Variants in SGTB observed in about 807,000 individuals in gnomAD.
SGTB encodes small glutamine rich tetratricopeptide repeat co-chaperone beta.
SGTB carries 19 observed loss-of-function variants against 43.9 expected under a neutral mutation model. That is an observed-to-expected ratio of 0.43 (90% confidence interval 0.30 to 0.63). The LOEUF (loss-of-function observed/expected upper bound fraction) is 0.63. SGTB is among the 30% of genes least tolerant of loss of function. SGTB has a pLI of 0.12. For missense variants in SGTB, 304 were observed against 358.9 expected (o/e 0.85, Z 1.24); for synonymous variants, 116 against 117.3 (o/e 0.99, Z 0.07).
chr5:65,691,247 T>C (rs377704312), intron 5 of SGTB, among the ~76,000 whole-genome samples: 4 of 152,150 alleles, frequency 2.6e-5, no homozygotes, highest in African/African-American at 9.7e-5. Flanking sequence ...AATAAGACCT[T>C]AGTAGCAATG....
At chr5:65,709,058 A>G (rs1322572813) in intron 3 of SGTB, among the ~76,000 whole-genome samples, 1 of 151,918 alleles carries the variant, frequency 6.6e-6, no homozygotes. Context: ...AAAAATAAGA[A>G]TATGAAGAAT....
chr5:65,711,950 C>T (rs975554878), intron 3 of SGTB, among the ~76,000 whole-genome samples: 7 of 152,108 alleles, frequency 4.6e-5, no homozygotes, highest in African/African-American at 1.7e-4. Context: ...ACCACAATGT[C>T]ATAAAGAAAC....
chr5:65,720,478 CA>C (rs1240860975), intron 2 of SGTB, among the ~76,000 whole-genome samples: 2 of 152,130 alleles, frequency 1.3e-5, no homozygotes, highest in African/African-American at 4.8e-5. Flanking sequence ...ATACTTCTGA[CA>C]TATAGTATTT....
At chr5:65,670,979 G>A (rs1017301377) in intron 10 of SGTB, among the ~76,000 whole-genome samples, 7 of 152,136 alleles carry the variant, frequency 4.6e-5, no homozygotes, top group Non-Finnish European at 8.8e-5. Context: ...TCGCCAATTT[G>A]ATATAAGTGA....
chr5:65,681,642 A>T (rs1757399244), intron 6 of SGTB, among the ~76,000 whole-genome samples: 1 of 152,144 alleles, frequency 6.6e-6, no homozygotes, highest in Non-Finnish European at 1.5e-5. Context: ...AAACTCTATG[A>T]TGTATAAGAA....
chr5:65,674,376 T>C (rs1757222577), intron 8 of SGTB, among the ~76,000 whole-genome samples: 1 of 152,152 alleles, frequency 6.6e-6, no homozygotes, highest in Non-Finnish European at 1.5e-5. Context: ...ACACACTCTC[T>C]CACAATTGTG....
intron 5 of SGTB, among the ~76,000 whole-genome samples, chr5:65,689,405 C>T (rs1757560696): frequency 6.6e-6 from 1 of 152,160 alleles, no homozygotes; most frequent in African/African-American, 2.4e-5. Context: ...TGACTGGGAA[C>T]AATACAAGTA....
At chr5:65,684,413 A>C (rs1757457778) in intron 6 of SGTB, among the ~76,000 whole-genome samples, 1 of 152,036 alleles carries the variant, frequency 6.6e-6, no homozygotes, top group Admixed American at 6.5e-5. Flanking sequence ...ACCTGATCAC[A>C]TGCCAACCAT....
chr5:65,684,116 A>T (rs1192127537), intron 6 of SGTB, among the ~76,000 whole-genome samples: 1 of 151,766 alleles, frequency 6.6e-6, no homozygotes, highest in Admixed American at 6.6e-5. Context: ...ACAGGGTCTC[A>T]CTCTGTCACT....
At chr5:65,721,023 A>C (rs1758263119) in intron 1 of SGTB, among the ~76,000 whole-genome samples, 194 bp from the exon 2 acceptor site, 1 of 152,234 alleles carries the variant, frequency 6.6e-6, no homozygotes, top group African/African-American at 2.4e-5. Flanking sequence ...AATTTATTAC[A>C]TATTTTCATT....
intron 6 of SGTB, among the ~76,000 whole-genome samples, chr5:65,684,273 G>A (rs1757455357): frequency 6.6e-6 from 1 of 152,032 alleles, no homozygotes; most frequent in East Asian, 2.0e-4. Flanking sequence ...TTATAGAGAT[G>A]GGGTCTTGCT....
chr5:65,703,775 C>A (rs951578250), intron 5 of SGTB, among the ~76,000 whole-genome samples: 2 of 150,786 alleles, frequency 1.3e-5, no homozygotes, highest in African/African-American at 4.9e-5. Flanking sequence ...CGGTGGCTCA[C>A]GCCTGTAATC....
chr5:65,687,710 C>T (rs958425293), intron 5 of SGTB, among the ~76,000 whole-genome samples: 6 of 152,164 alleles, frequency 3.9e-5, no homozygotes, highest in Non-Finnish European at 8.8e-5. Flanking sequence ...AGAAGTAATG[C>T]AAGGAATTAA....
At chr5:65,709,676 C>T (rs545240282) in intron 3 of SGTB, among the ~76,000 whole-genome samples, 4 of 152,262 alleles carry the variant, frequency 2.6e-5, no homozygotes, top group East Asian at 3.9e-4. Flanking sequence ...TGCGCCCGGC[C>T]GTGTTTTCTT....
chr5:65,680,450 AT>A, intron 8 of SGTB, 43 bp downstream of exon 8: 1 of 1,606,084 alleles, frequency 6.2e-7, no homozygotes, highest in Non-Finnish European at 8.5e-7. Context: ...TACATAGTCT[AT>A]GGAAAACATA....
rs1173264871 is a variant in SGTB, at chr5:65,712,975, T to C, written c.190A>G (p.Ser64Gly). The change falls in exon 3 of 11, where the codon AGT becomes GGT. Residue 64 changes from serine to glycine, a missense_variant. Transcript: ENST00000381007. ...TGACAACATACCTTACAGAAGGAAC[T>C]GGTAAACATTTCTGTCAAAGGCTGT... ...VSQPLTEMFT[S>G]SFCKNDVLPL... is the part of the protein sequence containing the mutation. 2 of 1,612,696 alleles carry C rather than the reference T, an allele frequency of 1.2e-6. No homozygotes were observed. Among genetic ancestry groups the C allele is most frequent in the South Asian group, 2.2e-5 (2 of 90,798 alleles).
intron 5 of SGTB, among the ~76,000 whole-genome samples, chr5:65,700,547 G>T (rs1175813842): frequency 6.6e-6 from 1 of 151,624 alleles, no homozygotes; most frequent in African/African-American, 2.4e-5. Context: ...CACGCGTGGT[G>T]GTGGGCGCCT....
chr5:65,717,820 T>A (rs1390894816), intron 2 of SGTB, among the ~76,000 whole-genome samples: 2 of 152,208 alleles, frequency 1.3e-5, no homozygotes, highest in Non-Finnish European at 2.9e-5. Context: ...AGCAAAGTTG[T>A]GTGTTTTGCT....
At chr5:65,701,969 T>C (rs547470714) in intron 5 of SGTB, among the ~76,000 whole-genome samples, 19 of 152,342 alleles carry the variant, frequency 1.2e-4, no homozygotes, top group Admixed American at 1.2e-3. Context: ...ATTAAAAATT[T>C]AGTTCCTCAA....
Sources: gnomAD v4.1 joint callset for allele counts (sites outside exome capture counted in the v4.1 genomes callset) on GRCh38, gnomAD v4.1.1 for gene constraint, MANE v1.5 for transcripts, NCBI Gene and HGNC (gene_info 2026-07-23, HGNC 2026-07-21) for gene names.